The following SLC49A4 variants were observed in gnomAD, a reference collection of about 807,000 sequenced individuals.
SLC49A4 encodes the protein disrupted in renal cancer protein 2.
In SLC49A4, 36 loss-of-function variants were observed where a neutral mutation model predicts 50.6. That is an observed-to-expected ratio of 0.71 (90% CI 0.55 to 0.94). The LOEUF is 0.94. Ranked by LOEUF, SLC49A4 falls within the 40% of genes least tolerant of loss-of-function variation. SLC49A4 has a pLI of 0.00. For synonymous variants in SLC49A4, 248 were observed against 241.2 expected (o/e 1.03, Z -0.26); for missense variants, 503 against 605.7 (o/e 0.83, Z 1.78).
rs1471642819 is a variant in SLC49A4 at position 122,872,509 on chromosome 3, T to G, written c.1233T>G (p.Val411=). The change falls in exon 8 of 9, where the codon GTT becomes GTG. Residue 411 remains valine (V), a synonymous_variant. Coordinates refer to ENST00000261038, the MANE Select transcript of SLC49A4 (RefSeq NM_032839.3). ...FELFVETVYP[V]PEGITCGVVT... The stretch of plus-strand genomic sequence containing the variant: ...TTTTTGTGGAAACTGTCTACCCAGT[T>G]CCAGAAGGAATTACTTGTGGAGTTG... 1 of 1,613,486 alleles carries G rather than the reference T, an allele frequency of 6.2e-7. No individual in the cohort carries two copies. Among genetic ancestry groups the G allele is most frequent in the Non-Finnish European group, 8.5e-7 (1 of 1,179,390 alleles).
At chr3:122,859,948 A>C in intron 6 of SLC49A4, 127 bp from the exon 7 acceptor site, 1 of 906,242 alleles carries the variant, frequency 1.1e-6, no homozygotes, top group Non-Finnish European at 1.5e-6. Context: ...TTTTAAAAAA[A>C]CACTGAAAAC....
rs1174754524 is a variant in SLC49A4 at position 122,879,964 on chromosome 3, G to C, written c.*586G>C. 2 of 152,644 alleles carry C rather than the reference G, an allele frequency of 1.3e-5. No homozygotes were observed. The highest frequency in any genetic ancestry group is 4.8e-5 in the African/African-American group (2 of 41,444). 9.5% of individuals were successfully genotyped at this position (152,644 alleles called of 1,614,324 possible). On this transcript the variant is annotated 3_prime_UTR_variant, in exon 9 of 9. Transcript: ENST00000261038. The stretch of plus-strand genomic sequence containing the variant: ...AGCCCTTGGCCATCTTTACTATGGT[G>C]ATCAGGTGCTTTCCAGTGACTTCTG...
intron 5 of SLC49A4, among the ~76,000 whole-genome samples, chr3:122,849,171 G>A (rs1016469306): frequency 2.6e-5 from 4 of 152,094 alleles, no homozygotes; most frequent in Non-Finnish European, 5.9e-5. Flanking sequence ...ATATTCCATT[G>A]TGTATATATC....
At chr3:122,871,207 A>G (rs1937193629) in intron 7 of SLC49A4, among the ~76,000 whole-genome samples, 1 of 152,212 alleles carries the variant, frequency 6.6e-6, no homozygotes. Context: ...CAAAGTAATT[A>G]CCAACTATTT....
rs1936541747 is a variant in SLC49A4, at chr3:122,827,066, G to T, written c.703+1G>T. The T allele has an allele frequency of 1.0e-5, 16 of 1,594,986 alleles. No homozygotes were observed. Among genetic ancestry groups the T allele is most frequent in the Non-Finnish European group, 1.4e-5 (16 of 1,165,518 alleles). ...CGCATAGAGGCTGTGTTATATGCAG[G>T]TAATTTGAAGTTTATTTTCTTCTTG... On this transcript the variant is annotated splice_donor_variant, in intron 3 of 8. Coordinates refer to ENST00000261038, the MANE Select transcript of SLC49A4 (RefSeq NM_032839.3). LOFTEE classifies it high-confidence loss of function.
chr3:122,846,885 A>T (rs536873914), intron 5 of SLC49A4, among the ~76,000 whole-genome samples: 1 of 152,306 alleles, frequency 6.6e-6, no homozygotes, highest in Admixed American at 6.5e-5. Context: ...GGCTGTGCAG[A>T]AGAGGGCTCC....
In SLC49A4 at chr3:122,795,136, C is replaced by G. The variant is rs1455425782; in HGVS notation, c.-57C>G. The G allele has an allele frequency of 1.5e-6, 2 of 1,298,614 alleles. No homozygotes were observed. The highest frequency in any genetic ancestry group is 1.6e-5 in the African/African-American group (1 of 64,384). The allele number at this position is 1,298,614 out of a possible 1,614,324, so 80.4% of individuals were successfully genotyped here. ...CTGCTCAGGACTATTCTGCGCTGGG[C>G]TAGTCGGCGGTGACCCGGACTGCGC... On this transcript the variant is annotated 5_prime_UTR_variant, in exon 1 of 9. Coordinates refer to ENST00000261038, the MANE Select transcript of SLC49A4 (RefSeq NM_032839.3).
intron 4 of SLC49A4, among the ~76,000 whole-genome samples, chr3:122,838,092 AC>A (rs1472228303): frequency 6.6e-6 from 1 of 151,674 alleles, no homozygotes; most frequent in Non-Finnish European, 1.5e-5. Flanking sequence ...AAATAGGAAC[AC>A]TTTTACACTG....
Position 122,872,612 on chromosome 3 carries a change from T to C in SLC49A4, c.1321+15T>C. ...TTATCATACAGGTAAGAAATTTGAT[T>C]TTTTATTTACTATCTAAATGTGTTA... On this transcript the variant is annotated intron_variant, in intron 8 of 8. Transcript: ENST00000261038. 1.3e-6 allele frequency: 2 copies of C among 1,550,386 alleles called. No individual in the cohort carries two copies. Among genetic ancestry groups the C allele is most frequent in the Non-Finnish European group, 1.8e-6 (2 of 1,139,472 alleles).
At chr3:122,837,571 T>C (rs1936705892) in intron 4 of SLC49A4, among the ~76,000 whole-genome samples, 1 of 152,130 alleles carries the variant, frequency 6.6e-6, no homozygotes, top group African/African-American at 2.4e-5. Context: ...CAAGATGGAT[T>C]AAAGACTTAA....
chr3:122,795,181 C>A lies in SLC49A4; in HGVS notation c.-12C>A, dbSNP rs919074412. On this transcript the variant is annotated 5_prime_UTR_variant, in exon 1 of 9. Transcript: ENST00000261038. Reference sequence around the variant, plus strand: ...CTGCGCCCGGCAGTGGCTTCGCGGGCGACGCGTCGCCATGGGCTCTCGCTG... The same window carrying A: ...CTGCGCCCGGCAGTGGCTTCGCGGGAGACGCGTCGCCATGGGCTCTCGCTG... The A allele has an allele frequency of 2.3e-6, 3 of 1,314,926 alleles. No individual in the cohort carries two copies. The African/African-American group carries it at 4.6e-5, about 20-fold the overall frequency. 81.5% of individuals were successfully genotyped at this position (1,314,926 alleles called of 1,614,324 possible). A position where few individuals can be genotyped will look rare whatever the true frequency, so the allele number is the denominator to read the frequency against.
chr3:122,870,950 T>C (rs1039194718), intron 7 of SLC49A4, among the ~76,000 whole-genome samples: 1 of 152,130 alleles, frequency 6.6e-6, no homozygotes. Context: ...CATATGTAAG[T>C]AGAAAATGTG....
chr3:122,856,585 C>G (rs746175762), intron 6 of SLC49A4, among the ~76,000 whole-genome samples: 31 of 152,194 alleles, frequency 2.0e-4, no homozygotes, highest in Non-Finnish European at 2.8e-4. Flanking sequence ...GCCTATAATC[C>G]TGGCACTTTG....
At chr3:122,840,155 A>G (rs936072589) in intron 4 of SLC49A4, among the ~76,000 whole-genome samples, 1 of 152,206 alleles carries the variant, frequency 6.6e-6, no homozygotes, top group Non-Finnish European at 1.5e-5. Context: ...CAAACACTGT[A>G]TGTTCTGACT....
chr3:122,795,116 CAG>C lies in SLC49A4; in HGVS notation c.-76_-75del. 8.0e-7 allele frequency: 1 copy of C among 1,251,932 alleles called. No homozygotes were observed. Among genetic ancestry groups the C allele is most frequent in the Non-Finnish European group, 1.0e-6 (1 of 1,002,098 alleles). 77.6% of individuals were successfully genotyped at this position (1,251,932 alleles called of 1,614,324 possible). On this transcript the variant is annotated 5_prime_UTR_variant, in exon 1 of 9. Transcript: ENST00000261038. ...ACAGCAGCCTCCGCCTCCTGCTGCT[CAG>C]GACTATTCTGCGCTGGGCTAGTCGG...
At chr3:122,843,955 C>T (rs1936814697) in intron 4 of SLC49A4, among the ~76,000 whole-genome samples, 1 of 152,154 alleles carries the variant, frequency 6.6e-6, no homozygotes, top group South Asian at 2.1e-4. Flanking sequence ...TGGTATTAAT[C>T]TATCACATTT....
intron 1 of SLC49A4, 146 bp from the exon 2 acceptor site, chr3:122,806,708 GTTT>G: frequency 1.1e-5 from 5 of 472,584 alleles, no homozygotes; most frequent in East Asian, 4.2e-5. Flanking sequence ...AGGGTTCGTT[GTTT>G]TTTTTTTTTT....
At chr3:122,840,377 TATTGAA>T (rs1423541453) in intron 4 of SLC49A4, among the ~76,000 whole-genome samples, 2 of 152,336 alleles carry the variant, frequency 1.3e-5, no homozygotes, top group East Asian at 3.8e-4. Flanking sequence ...CCCCAAAAGC[TATTGAA>T]ATTTTTAAAA....
intron 7 of SLC49A4, 150 bp downstream of exon 7, chr3:122,860,352 TATCTA>T (rs1414549715): frequency 4.5e-6 from 3 of 662,682 alleles, no homozygotes; most frequent in South Asian, 5.0e-5. Flanking sequence ...ACCATCATCT[TATCTA>T]AAGAGTCCAA....
Sources: gnomAD v4.1 joint callset for allele counts (sites outside exome capture counted in the v4.1 genomes callset) on GRCh38, gnomAD v4.1.1 for gene constraint, MANE v1.5 for transcripts, NCBI Gene and HGNC (gene_info 2026-07-23, HGNC 2026-07-21) for gene names.